The following LANCL2 variants were observed in gnomAD, a reference collection of about 807,000 sequenced individuals.
LANCL2 encodes lanC-like protein 2.
A neutral mutation model predicts 56.9 loss-of-function variants in LANCL2; 33 were observed. The observed-to-expected ratio is 0.58, with a 90% CI of 0.44 to 0.78. The LOEUF (loss-of-function observed/expected upper bound fraction) is 0.78, where lower values mean the gene tolerates loss of function less well. Ranked by LOEUF, LANCL2 falls within the 30% of genes least tolerant of loss-of-function variation. LANCL2 has a pLI of 0.00. For missense variants in LANCL2, 562 were observed against 580.2 expected (o/e 0.97, Z 0.32); for synonymous variants, 233 against 228.2 (o/e 1.02, Z -0.19).
chr7:55,370,302 T>G (rs1789928812), intron 1 of LANCL2, among the ~76,000 whole-genome samples: 1 of 152,212 alleles, frequency 6.6e-6, no homozygotes, highest in Admixed American at 6.5e-5. Flanking sequence ...GAAGCTGCAG[T>G]CATTGTATTT....
chr7:55,371,410 G>C (rs1021530653), intron 1 of LANCL2, among the ~76,000 whole-genome samples: 1 of 152,144 alleles, frequency 6.6e-6, no homozygotes, highest in Non-Finnish European at 1.5e-5. Flanking sequence ...TTTTTGTAGA[G>C]ACAGGGTTTT....
rs375758540 is a variant in LANCL2 at position 55,398,484 on chromosome 7, A to G, written c.384A>G (p.Arg128=). The G allele has an allele frequency of 1.3e-4, 217 of 1,614,166 alleles. No homozygotes were observed. Among genetic ancestry groups the G allele is most frequent in the African/African-American group, 1.3e-4 (10 of 75,032 alleles). ...RVTCDQTYLL[R]SLDYVKRTLR... ...CATGTGACCAAACCTACCTGCTCCGATCCCTGGATTACGTAAAAAGAACAC... is the reference window on the plus strand; with the variant it reads ...CATGTGACCAAACCTACCTGCTCCGGTCCCTGGATTACGTAAAAAGAACAC... Residue 128 remains arginine (R), a synonymous_variant, in exon 3 of 9, where the codon CGA becomes CGG. Coordinates refer to ENST00000254770, the MANE Select transcript of LANCL2 (RefSeq NM_018697.4).
In LANCL2 at chr7:55,428,323, C is replaced by A. The variant is rs1028091404; in HGVS notation, c.1186-52C>A. On this transcript the variant is annotated intron_variant, in intron 7 of 8. Coordinates refer to ENST00000254770, the MANE Select transcript of LANCL2 (RefSeq NM_018697.4). Reference sequence around the variant, plus strand: ...AAGACATTGCATTCTCATTTATTGCCTTTTCACCAGGTAGAAACTCCAGTC... The same window carrying A: ...AAGACATTGCATTCTCATTTATTGCATTTTCACCAGGTAGAAACTCCAGTC... 9 of 1,512,294 alleles carry A rather than the reference C, an allele frequency of 6.0e-6. No individual in the cohort carries two copies. The African/African-American group carries it at 1.2e-4, about 21-fold the overall frequency. The allele number at this position is 1,512,294 out of a possible 1,614,324, so 93.7% of individuals were successfully genotyped here.
At chr7:55,369,318 C>CCAACA (rs1355302376) in intron 1 of LANCL2, among the ~76,000 whole-genome samples, 1 of 152,138 alleles carries the variant, frequency 6.6e-6, no homozygotes, top group Admixed American at 6.6e-5. Context: ...CAAAAATCTA[C>CCAACA]CAACACAATA....
intron 1 of LANCL2, among the ~76,000 whole-genome samples, chr7:55,391,068 G>A (rs1790182927): frequency 6.9e-6 from 1 of 145,950 alleles, no homozygotes; most frequent in Non-Finnish European, 1.5e-5. Context: ...CCAGGCTGGA[G>A]TGCAGTGGTG....
At chr7:55,388,884 C>G (rs1055332936) in intron 1 of LANCL2, among the ~76,000 whole-genome samples, 1 of 152,068 alleles carries the variant, frequency 6.6e-6, no homozygotes, top group Non-Finnish European at 1.5e-5. Context: ...GGGCTTTTCC[C>G]GTTTATCTCA....
chr7:55,384,940 A>C (rs1400158536), intron 1 of LANCL2, among the ~76,000 whole-genome samples: 1 of 152,158 alleles, frequency 6.6e-6, no homozygotes, highest in Non-Finnish European at 1.5e-5. Flanking sequence ...TAATCCCAGC[A>C]CTTTGTGGGG....
At chr7:55,425,485 C>G in intron 7 of LANCL2, 55 bp downstream of exon 7, 2 of 1,519,478 alleles carry the variant, frequency 1.3e-6, no homozygotes, top group Middle Eastern at 1.7e-4. Context: ...TGCACAGAAT[C>G]CAGAGTCCAG....
chr7:55,411,205 C>T (rs762465912), intron 5 of LANCL2, among the ~76,000 whole-genome samples: 7 of 151,778 alleles, frequency 4.6e-5, no homozygotes, highest in Non-Finnish European at 1.0e-4. Context: ...ACTTGAGACT[C>T]TTTGAATGTT....
At chr7:55,372,766 A>G (rs1789957579) in intron 1 of LANCL2, among the ~76,000 whole-genome samples, 1 of 152,228 alleles carries the variant, frequency 6.6e-6, no homozygotes, top group African/African-American at 2.4e-5. Context: ...ATACAGAAAA[A>G]AAACCTACTT....
At position 55,410,906 on chromosome 7, in the gene LANCL2, A is replaced by C. The variant is rs183601011; in HGVS notation, c.826-1001A>C. On this transcript the variant is annotated intron_variant, in intron 5 of 8. Transcript: ENST00000254770. ...TAAAGATGTGAGGTGTTAACATGTC[A>C]CCCTAAGATGTTCTGTGGCACTGTC... is the stretch of plus-strand genomic sequence containing the variant. Among the ~76,000 whole-genome samples the C allele has an allele frequency of 2.0e-5, 3 of 150,660 alleles. No homozygotes were observed. In the South Asian group the frequency reaches 6.3e-4, roughly 32 times the overall value.
chr7:55,403,282 A>G (rs1256513414), intron 5 of LANCL2, among the ~76,000 whole-genome samples: 12 of 152,358 alleles, frequency 7.9e-5, no homozygotes, highest in African/African-American at 2.6e-4. Flanking sequence ...CTCCACCAAA[A>G]AAATACGAAA....
chr7:55,418,186 T>TG lies in LANCL2; in HGVS notation c.1008+6097_1008+6098insG, dbSNP rs1790566720. Among the ~76,000 whole-genome samples, 3 of 3,662 alleles carry TG rather than the reference T, an allele frequency of 8.2e-4. No homozygotes were observed. In the South Asian group the frequency reaches 0.01, roughly 13 times the overall value. The allele number at this position is 3,662 out of a possible 152,430, so 2.4% of individuals were successfully genotyped here. A position where few individuals can be genotyped will look rare whatever the true frequency, so the allele number is the denominator to read the frequency against. On this transcript the variant is annotated intron_variant, in intron 6 of 8. Transcript: ENST00000254770. ...GCCAGTATATAGAAATACAATTGCG[T>TG]TTTTTTTTTTGGAGACATAGAGTCT...
intron 8 of LANCL2, among the ~76,000 whole-genome samples, chr7:55,430,615 C>T (rs1040179837): frequency 3.9e-5 from 6 of 152,098 alleles, no homozygotes; most frequent in African/African-American, 1.4e-4. Flanking sequence ...TTTTATTGTA[C>T]GTGAATTTTA....
At chr7:55,410,652 T>C (rs1351823043) in intron 5 of LANCL2, among the ~76,000 whole-genome samples, 3 of 152,352 alleles carry the variant, frequency 2.0e-5, no homozygotes, top group African/African-American at 7.2e-5. Flanking sequence ...TATCTCAGAC[T>C]TTAGCAATAT....
intron 1 of LANCL2, among the ~76,000 whole-genome samples, chr7:55,390,778 CA>C (rs556762101): frequency 1.0e-3 from 142 of 138,480 alleles, no homozygotes; most frequent in African/African-American, 1.7e-3. Context: ...AAAACTGTCT[CA>C]AAAAAAAAAA....
chr7:55,413,501 G>A (rs566740611), intron 6 of LANCL2, among the ~76,000 whole-genome samples: 2 of 152,338 alleles, frequency 1.3e-5, no homozygotes, highest in African/African-American at 4.8e-5. Flanking sequence ...GCCCTGTGGA[G>A]AGCAAGCAGG....
chr7:55,425,108 T>A, intron 6 of LANCL2, 146 bp from the exon 7 acceptor site: 1 of 726,652 alleles, frequency 1.4e-6, no homozygotes, highest in Non-Finnish European at 2.2e-6. Context: ...TGCTGGTGTT[T>A]TTTTGTTTGT....
chr7:55,416,984 T>TTTTTTG lies in LANCL2; in HGVS notation c.1008+4900_1008+4901insGTTTTT, dbSNP rs1562868547. ...AAACGAGGTGGTTTTTTTTTTTTTT[T>TTTTTTG]TTTTTTTTTTTTGGAGACAGAGTCT... On this transcript the variant is annotated intron_variant, in intron 6 of 8. Transcript: ENST00000254770. 1.5e-4 allele frequency among the ~76,000 whole-genome samples: 20 copies of TTTTTTG among 130,334 alleles called. 2 individuals are homozygous for TTTTTTG. The highest frequency in any genetic ancestry group is 2.5e-4 in the South Asian group (1 of 3,976). The allele number at this position is 130,334 out of a possible 152,430, so 85.5% of individuals were successfully genotyped here. A position where few individuals can be genotyped will look rare whatever the true frequency, so the allele number is the denominator to read the frequency against.
Sources: allele counts gnomAD v4.1 joint callset (sites outside exome capture counted in the v4.1 genomes callset), GRCh38; gene constraint gnomAD v4.1.1; transcripts MANE v1.5; gene names NCBI Gene and HGNC (gene_info 2026-07-23, HGNC 2026-07-21).